The following SLC22A23 variants were observed in gnomAD, a reference collection of about 807,000 sequenced individuals.
SLC22A23 encodes the protein ion transporter protein.
In SLC22A23, 26 loss-of-function variants were observed where a neutral mutation model predicts 61.0. That is an observed-to-expected ratio of 0.43 (90% confidence interval 0.31 to 0.59). The LOEUF (loss-of-function observed/expected upper bound fraction) is 0.59. SLC22A23 is among the 20% of genes least tolerant of loss of function. The probability of loss-of-function intolerance (pLI) is 0.11; values close to 1 mark genes in which losing one functional copy is unlikely to be tolerated. For synonymous variants in SLC22A23, 430 were observed against 413.9 expected, an observed-to-expected ratio of 1.04 and a Z score of -0.47; for missense variants, 796 against 934.7, an observed-to-expected ratio of 0.85 and a Z score of 1.94.
chr6:3,430,644 G>A (rs1488065136), intron 1 of SLC22A23, among the ~76,000 whole-genome samples: 1 of 152,196 alleles, frequency 6.6e-6, no homozygotes, highest in African/African-American at 2.4e-5. Context: ...ACTATGCTGA[G>A]GGGTAAAGAG....
intron 3 of SLC22A23, among the ~76,000 whole-genome samples, chr6:3,345,363 C>CTTTT (rs1163840651): frequency 3.2e-5 from 4 of 124,762 alleles, no homozygotes; most frequent in Non-Finnish European, 6.5e-5. Flanking sequence ...TATCTCTTTT[C>CTTTT]TTTTTTTTTT....
Position 3,322,381 on chromosome 6 carries a change from G to C in SLC22A23, c.1082+1453C>G, listed in dbSNP as rs911255274. On this transcript the variant is annotated intron_variant, in intron 4 of 9. Coordinates refer to ENST00000406686, the MANE Select transcript of SLC22A23 (RefSeq NM_015482.2). The surrounding 1 kb of genome is among the most constrained non-coding windows in gnomAD (Gnocchi z 4.1). ...TTCCTTAGGAGATAGAAGGAAGAGA[G>C]CTGCCCACTCCATCCTTCTCCAGGG... Among the ~76,000 whole-genome samples the C allele has an allele frequency of 6.6e-6, 1 of 152,196 alleles. No individual in the cohort carries two copies. The highest frequency in any genetic ancestry group is 2.4e-5 in the African/African-American group (1 of 41,456).
chr6:3,287,600 A>C (rs1760147323), intron 6 of SLC22A23, among the ~76,000 whole-genome samples: 2 of 151,850 alleles, frequency 1.3e-5, no homozygotes, highest in Admixed American at 1.3e-4. Flanking sequence ...TACCAGCCTC[A>C]ACTCCACCCA....
In SLC22A23 at chr6:3,315,849, G is replaced by A. The variant is rs547189732; in HGVS notation, c.1082+7985C>T. 3.3e-5 allele frequency among the ~76,000 whole-genome samples: 5 copies of A among 150,252 alleles called. No individual in the cohort carries two copies. In the East Asian group the frequency reaches 1.0e-3, roughly 30 times the overall value. ...ACTGCACTCCAGCCTGGGCGACAGA[G>A]TGAGAATCCGTCTCAAAAAAAAAAA... On this transcript the variant is annotated intron_variant, in intron 4 of 9. Coordinates refer to ENST00000406686, the MANE Select transcript of SLC22A23 (RefSeq NM_015482.2).
chr6:3,439,670 A>G (rs1426129839), intron 1 of SLC22A23, among the ~76,000 whole-genome samples: 1 of 152,190 alleles, frequency 6.6e-6, no homozygotes, highest in Non-Finnish European at 1.5e-5. Context: ...AACCTCACTC[A>G]AATGAGAGCA....
Position 3,283,993 on chromosome 6 carries a change from G to A in SLC22A23, c.1580-18C>T. ...ACTCATCCCTGGGGGAAGGTCAGAA[G>A]AAGGTGGTGAGGGAAGAGAGGAAGC... On this transcript the variant is annotated intron_variant, in intron 8 of 9. Transcript: ENST00000406686. The A allele has an allele frequency of 6.3e-7, 1 of 1,593,776 alleles. No individual in the cohort carries two copies. The highest frequency in any genetic ancestry group is 8.6e-7 in the Non-Finnish European group (1 of 1,165,502).
At position 3,287,163 on chromosome 6, in the gene SLC22A23, C is replaced by A. The variant is rs1344870531; in HGVS notation, c.1314-72G>T. 4.2e-6 allele frequency: 6 copies of A among 1,434,844 alleles called. No homozygotes were observed. In the South Asian group the frequency reaches 7.4e-5, roughly 18 times the overall value. 88.9% of individuals were successfully genotyped at this position (1,434,844 alleles called of 1,614,324 possible). A position where few individuals can be genotyped will look rare whatever the true frequency, so the allele number is the denominator to read the frequency against. On this transcript the variant is annotated intron_variant, in intron 6 of 9. Transcript: ENST00000406686. ...GGGGCTGCGCTGCCTCCTGGGAGTTCGTGCTGTCAGGTGACCAGGAGATGA... is the reference window on the plus strand; with the variant it reads ...GGGGCTGCGCTGCCTCCTGGGAGTTAGTGCTGTCAGGTGACCAGGAGATGA...
chr6:3,392,936 T>C (rs1290107599), intron 3 of SLC22A23, among the ~76,000 whole-genome samples: 3 of 152,234 alleles, frequency 2.0e-5, no homozygotes, highest in Non-Finnish European at 2.9e-5. Flanking sequence ...ATTAGTGCCA[T>C]GTTTCTAGCA....
intron 4 of SLC22A23, among the ~76,000 whole-genome samples, chr6:3,306,806 C>T (rs1333434189): frequency 1.3e-5 from 2 of 152,198 alleles, no homozygotes; most frequent in Non-Finnish European, 2.9e-5. Flanking sequence ...GTATTTTTCT[C>T]TTTGCTTCTA....
chr6:3,389,268 C>CAAAAAAAA (rs61020784), intron 3 of SLC22A23, among the ~76,000 whole-genome samples: 5 of 32,600 alleles, frequency 1.5e-4, no homozygotes, highest in Admixed American at 5.3e-4. Flanking sequence ...AACTCTGTCT[C>CAAAAAAAA]AAAAAAAAAA....
chr6:3,352,841 G>A lies in SLC22A23; in HGVS notation c.914-28839C>T, dbSNP rs372235681. On this transcript the variant is annotated intron_variant, in intron 3 of 9. Coordinates refer to ENST00000406686, the MANE Select transcript of SLC22A23 (RefSeq NM_015482.2). ...CCAGAGCCAACAGCAGTTTAGAGAC[G>A]CTCCCTGGATACGCATGGACAAGCC... Among the ~76,000 whole-genome samples the A allele has an allele frequency of 2.4e-4, 36 of 152,266 alleles. 1 individual carries two copies. The highest frequency in any genetic ancestry group is 7.5e-4 in the African/African-American group (31 of 41,554).
intron 3 of SLC22A23, among the ~76,000 whole-genome samples, chr6:3,361,579 G>C (rs1407020099): frequency 6.6e-6 from 1 of 152,324 alleles, no homozygotes; most frequent in East Asian, 1.9e-4. Flanking sequence ...CTTAGCTTCT[G>C]TTCCCAGCTT....
At chr6:3,279,758 T>TAGA (rs1375272936) in intron 9 of SLC22A23, among the ~76,000 whole-genome samples, 1 of 152,130 alleles carries the variant, frequency 6.6e-6, no homozygotes, top group Non-Finnish European at 1.5e-5. Flanking sequence ...CGCCCGTGTT[T>TAGA]AGAAGTCAGA....
At chr6:3,411,287 G>A (rs1769223401) in intron 2 of SLC22A23, among the ~76,000 whole-genome samples, 1 of 152,198 alleles carries the variant, frequency 6.6e-6, no homozygotes, top group Non-Finnish European at 1.5e-5. Context: ...GGGCAGAGTG[G>A]ATGCTATTTG....
intron 9 of SLC22A23, chr6:3,282,370 G>A: frequency 1.4e-6 from 1 of 697,796 alleles, no homozygotes; most frequent in Non-Finnish European, 2.6e-6. Flanking sequence ...ATCATACAAT[G>A]CCTTGGCATT....
chr6:3,294,577 G>A (rs1193986308), intron 5 of SLC22A23, among the ~76,000 whole-genome samples: 3 of 152,172 alleles, frequency 2.0e-5, no homozygotes, highest in African/African-American at 7.2e-5. Flanking sequence ...CACTCATCCC[G>A]GGTCTCGTTT....
chr6:3,439,270 G>A lies in SLC22A23; in HGVS notation c.654+16636C>T, dbSNP rs181634042. The A allele has an allele frequency of 3.6e-3, 1,569 of 436,906 alleles. 20 individuals carry two copies. The highest frequency in any genetic ancestry group is 0.014 in the South Asian group (825 of 60,734). 27.1% of individuals were successfully genotyped at this position (436,906 alleles called of 1,614,324 possible). On this transcript the variant is annotated intron_variant, in intron 1 of 9. Coordinates refer to ENST00000406686, the MANE Select transcript of SLC22A23 (RefSeq NM_015482.2). ...GACAAAAATGTCTCCAGACATTGCCGAATGTTCTCTGGGAGCAAAATCATA... is the reference window on the plus strand; with the variant it reads ...GACAAAAATGTCTCCAGACATTGCCAAATGTTCTCTGGGAGCAAAATCATA...
At chr6:3,444,039 T>C (rs1771754692) in intron 1 of SLC22A23, among the ~76,000 whole-genome samples, 1 of 152,224 alleles carries the variant, frequency 6.6e-6, no homozygotes. Flanking sequence ...AATTTAAATT[T>C]GTTTTAGTTA....
chr6:3,443,740 C>A (rs1302461770), intron 1 of SLC22A23, among the ~76,000 whole-genome samples: 1 of 152,178 alleles, frequency 6.6e-6, no homozygotes, highest in African/African-American at 2.4e-5. Flanking sequence ...TCCTTTCCCT[C>A]ACCCCAATCC....
Sources: allele counts gnomAD v4.1 joint callset (sites outside exome capture counted in the v4.1 genomes callset), GRCh38; gene constraint gnomAD v4.1.1; non-coding constraint Gnocchi (gnomAD v3.1); transcripts MANE v1.5; gene names NCBI Gene and HGNC (gene_info 2026-07-23, HGNC 2026-07-21).